EPHA6: variants seen among roughly 807,000 people sequenced by gnomAD.
EPHA6 encodes the protein ephrin type-A receptor 6.
EPHA6 carries 50 observed loss-of-function variants against 112.0 expected under a neutral mutation model. The observed-to-expected ratio is 0.45, with a 90% CI of 0.36 to 0.56. The LOEUF (loss-of-function observed/expected upper bound fraction) is 0.56, where lower values mean the gene tolerates loss of function less well. Ranked by LOEUF, EPHA6 falls within the 20% of genes least tolerant of loss-of-function variation. The probability of loss-of-function intolerance (pLI) is 0.00; values close to 1 mark genes in which losing one functional copy is unlikely to be tolerated. For missense variants in EPHA6, 1,280 were observed against 1,417.4 expected, an observed-to-expected ratio of 0.90 and a Z score of 1.56; for synonymous variants, 529 against 490.7, an observed-to-expected ratio of 1.08 and a Z score of -1.03.
chr3:97,552,463 G>A (rs1202227071), intron 11 of EPHA6, among the ~76,000 whole-genome samples: 3 of 152,132 alleles, frequency 2.0e-5, no homozygotes, highest in Non-Finnish European at 2.9e-5. Flanking sequence ...AATCAAGTTT[G>A]AATCCCATCA....
chr3:97,702,152 G>C lies in EPHA6; in HGVS notation c.2785-18109G>C, dbSNP rs369333420. Among the ~76,000 whole-genome samples the C allele has an allele frequency of 9.2e-5, 14 of 152,262 alleles. No homozygotes were observed. In the South Asian group the frequency reaches 2.7e-3, roughly 29 times the overall value. ...ATTGTAGTACAAATTTTAGCATTCAGAAATATTCACTCCCCTTTCACTTAC... is the reference window on the plus strand; with the variant it reads ...ATTGTAGTACAAATTTTAGCATTCACAAATATTCACTCCCCTTTCACTTAC... On this transcript the variant is annotated intron_variant, in intron 14 of 17. Coordinates refer to ENST00000389672, the MANE Select transcript of EPHA6 (RefSeq NM_001080448.3).
intron 3 of EPHA6, among the ~76,000 whole-genome samples, chr3:97,083,820 A>G (rs2046800823): frequency 6.6e-6 from 1 of 152,000 alleles, no homozygotes; most frequent in South Asian, 2.1e-4. Context: ...ATAGTTAAGT[A>G]ATGAAAAAAT....
chr3:97,392,440 G>A (rs540421801), intron 5 of EPHA6, among the ~76,000 whole-genome samples: 10 of 151,416 alleles, frequency 6.6e-5, no homozygotes, highest in South Asian at 2.1e-4. Flanking sequence ...GTGTGTGTGT[G>A]TATATTTATA....
intron 5 of EPHA6, among the ~76,000 whole-genome samples, chr3:97,254,392 G>A (rs2079240687): frequency 6.6e-6 from 1 of 152,128 alleles, no homozygotes; most frequent in Non-Finnish European, 1.5e-5. Context: ...GTTTCACCAT[G>A]TTAGCCATGA....
chr3:97,339,303 C>T (rs1014402054), intron 5 of EPHA6, among the ~76,000 whole-genome samples: 4 of 152,124 alleles, frequency 2.6e-5, no homozygotes, highest in African/African-American at 7.2e-5. Context: ...ATGTCTGAAC[C>T]TATACAAAAT....
chr3:97,017,663 A>G (rs112176240), intron 3 of EPHA6, among the ~76,000 whole-genome samples: 1 of 152,102 alleles, frequency 6.6e-6, no homozygotes. Context: ...TGCTAGATGT[A>G]TTGGAGCTCC....
chr3:97,183,317 A>T (rs1325831870), intron 3 of EPHA6, among the ~76,000 whole-genome samples: 2 of 152,128 alleles, frequency 1.3e-5, no homozygotes, highest in Non-Finnish European at 2.9e-5. Context: ...AAAAAATGTT[A>T]ATTATCACTA....
intron 5 of EPHA6, among the ~76,000 whole-genome samples, chr3:97,391,514 T>C (rs952497624): frequency 1.8e-4 from 27 of 151,988 alleles, no homozygotes; most frequent in African/African-American, 6.3e-4. Flanking sequence ...TGAGAAGTGC[T>C]GTACCTACTA....
intron 3 of EPHA6, among the ~76,000 whole-genome samples, chr3:97,142,085 G>A (rs2075922070): frequency 6.6e-6 from 1 of 151,918 alleles, no homozygotes; most frequent in Admixed American, 6.6e-5. Context: ...ACGATAGTAA[G>A]TCTTGATGGC....
chr3:97,448,064 T>A (rs917520108), intron 6 of EPHA6, among the ~76,000 whole-genome samples: 2 of 152,156 alleles, frequency 1.3e-5, no homozygotes, highest in Non-Finnish European at 2.9e-5. Context: ...AGTGAATGAC[T>A]TCAGGATAAA....
At chr3:97,455,066 A>C (rs2090639141) in intron 7 of EPHA6, among the ~76,000 whole-genome samples, 1 of 151,982 alleles carries the variant, frequency 6.6e-6, no homozygotes, top group Non-Finnish European at 1.5e-5. Flanking sequence ...TCTAGCAGTT[A>C]GGTTGTCTGA....
rs77697445 is a variant in EPHA6, at chr3:96,819,914, G to A, written c.385+4906G>A. Among the ~76,000 whole-genome samples the A allele has an allele frequency of 5.8e-4, 88 of 152,226 alleles. No individual in the cohort carries two copies. In the East Asian group the frequency reaches 0.016, roughly 27 times the overall value. On this transcript the variant is annotated intron_variant, in intron 1 of 17. Transcript: ENST00000389672. ...ATAAAGATTGTAAAAATTATATATG[G>A]ATGAAGCAACAAAGACACTGAGAAA...
intron 10 of EPHA6, among the ~76,000 whole-genome samples, chr3:97,531,408 A>G (rs1210397390): frequency 6.6e-6 from 1 of 151,740 alleles, no homozygotes; most frequent in East Asian, 1.9e-4. Flanking sequence ...CTGTTTCTGG[A>G]ACTTTGAATG....
At chr3:96,900,905 A>T (rs1301450743) in intron 2 of EPHA6, among the ~76,000 whole-genome samples, 2 of 152,222 alleles carry the variant, frequency 1.3e-5, no homozygotes, top group African/African-American at 4.8e-5. Context: ...GTATGAAAAC[A>T]TGGGAACAAC....
chr3:97,518,502 A>C (rs992912833), intron 10 of EPHA6, among the ~76,000 whole-genome samples: 12 of 151,380 alleles, frequency 7.9e-5, no homozygotes, highest in African/African-American at 2.9e-4. Context: ...TTGCTGGATC[A>C]TGTGGTCGTT....
At chr3:97,020,653 G>T (rs2044425939) in intron 3 of EPHA6, among the ~76,000 whole-genome samples, 2 of 152,136 alleles carry the variant, frequency 1.3e-5, no homozygotes, top group African/African-American at 4.8e-5. Flanking sequence ...ACCCAAAAAA[G>T]GTTTCACAGG....
At chr3:97,441,167 A>G (rs543109836) in intron 6 of EPHA6, among the ~76,000 whole-genome samples, 1 of 152,076 alleles carries the variant, frequency 6.6e-6, no homozygotes, top group South Asian at 2.1e-4. Context: ...GAAAACTGTA[A>G]GCTGAGATAA....
intron 6 of EPHA6, among the ~76,000 whole-genome samples, chr3:97,414,101 C>T (rs2087932112): frequency 6.6e-6 from 1 of 151,990 alleles, no homozygotes; most frequent in Admixed American, 6.6e-5. Flanking sequence ...TACTCTACTG[C>T]TACTCCCTTC....
intron 3 of EPHA6, among the ~76,000 whole-genome samples, chr3:97,171,184 C>T (rs1449892377): frequency 1.3e-5 from 2 of 152,030 alleles, no homozygotes; most frequent in African/African-American, 2.4e-5. Flanking sequence ...GGAGTTGAGA[C>T]AAACCATGTT....
Sources: gnomAD v4.1 joint callset for allele counts (sites outside exome capture counted in the v4.1 genomes callset) on GRCh38, gnomAD v4.1.1 for gene constraint, MANE v1.5 for transcripts, NCBI Gene and HGNC (gene_info 2026-07-23, HGNC 2026-07-21) for gene names.